Variants in SDK1 observed in about 807,000 individuals in gnomAD.
The protein encoded by SDK1 is sidekick cell adhesion molecule 1.
Under a neutral mutation model 245.5 loss-of-function variants are expected in SDK1, and 157 were observed. The ratio of observed to expected loss-of-function variants is 0.64; its 90% confidence interval spans 0.56 to 0.73. The LOEUF is 0.73. SDK1 is among the 30% of genes least tolerant of loss of function. SDK1 has a pLI of 0.00. For synonymous variants in SDK1, 1,647 were observed against 1,278.5 expected, an observed-to-expected ratio of 1.29 and a Z score of -6.15; for missense variants, 3,583 against 3,002.3, an observed-to-expected ratio of 1.19 and a Z score of -4.52.
Position 3,969,304 on chromosome 7 carries a change from C to T in SDK1, c.1594C>T (p.Leu532Phe), listed in dbSNP as rs202108445. The change falls in exon 11 of 45, where the codon CTT becomes TTT. Residue 532 changes from leucine (L) to phenylalanine (F), a missense_variant. Transcript: ENST00000404826. ...CTCTGTCCGGATTCCTAGGTTCATG[C>T]TTCTTGAATCGGGGGGTCTACAGAT... ...SGSVRIPRFM[L>F]LESGGLQIAP... is the part of the protein sequence containing the mutation. The T allele has an allele frequency of 6.2e-7, 1 of 1,611,096 alleles. No individual in the cohort carries two copies. The highest frequency in any genetic ancestry group is 1.3e-5 in the African/African-American group (1 of 74,970).
At chr7:3,475,733 A>T (rs1182419239) in intron 1 of SDK1, among the ~76,000 whole-genome samples, 1 of 152,234 alleles carries the variant, frequency 6.6e-6, no homozygotes, top group Non-Finnish European at 1.5e-5. Context: ...TTTATGAATC[A>T]TTGACTCAAA....
chr7:3,625,573 A>T (rs997692407), intron 2 of SDK1, among the ~76,000 whole-genome samples: 2 of 152,182 alleles, frequency 1.3e-5, no homozygotes. Context: ...CAGTCACTCT[A>T]AGTGGCTGGA....
chr7:3,472,572 T>C (rs1781217474), intron 1 of SDK1, among the ~76,000 whole-genome samples: 1 of 152,232 alleles, frequency 6.6e-6, no homozygotes, highest in African/African-American at 2.4e-5. Context: ...AATAGCTGGT[T>C]CTACATTTAG....
chr7:4,132,936 T>A (rs1338416302), intron 28 of SDK1, among the ~76,000 whole-genome samples: 2 of 152,170 alleles, frequency 1.3e-5, no homozygotes, highest in Middle Eastern at 3.2e-3. Context: ...GAAATTCACA[T>A]TTTTTTAACG....
At chr7:4,205,316 T>C (rs1784155246) in intron 35 of SDK1, among the ~76,000 whole-genome samples, 1 of 152,152 alleles carries the variant, frequency 6.6e-6, no homozygotes, top group Non-Finnish European at 1.5e-5. Flanking sequence ...AGCTATCTTT[T>C]CTCTAATCTC....
At chr7:3,966,646 C>T (rs1008759892) in intron 9 of SDK1, among the ~76,000 whole-genome samples, 5 of 152,054 alleles carry the variant, frequency 3.3e-5, no homozygotes, top group Non-Finnish European at 5.9e-5. Flanking sequence ...TAGAAAGTGT[C>T]ATCTTGTGGA....
intron 1 of SDK1, among the ~76,000 whole-genome samples, chr7:3,425,957 C>A (rs914565839): frequency 2.0e-5 from 3 of 152,212 alleles, no homozygotes; most frequent in Non-Finnish European, 2.9e-5. Flanking sequence ...TCTACACTAT[C>A]TTCCCCTTCT....
In SDK1 at chr7:3,566,534, C is replaced by T. The variant is rs538605394; in HGVS notation, c.299-52546C>T. ...GCCACCACGCCCGGCCGATAAACTT[C>T]TTAAAAACATAAAGCAGTAGAGGAA... On this transcript the variant is annotated intron_variant, in intron 1 of 44. Coordinates refer to ENST00000404826, the MANE Select transcript of SDK1 (RefSeq NM_152744.4). 1.8e-3 allele frequency among the ~76,000 whole-genome samples: 268 copies of T among 152,102 alleles called. 1 individual carries two copies. Among genetic ancestry groups the T allele is most frequent in the Non-Finnish European group, 2.1e-3 (144 of 67,974 alleles).
rs1007259429 is a variant in SDK1, at chr7:4,130,380, C to T, written c.4129+283C>T. The T allele has an allele frequency of 6.5e-5, 28 of 431,444 alleles. 1 individual carries two copies. The highest frequency in any genetic ancestry group is 4.0e-4 in the South Asian group (12 of 30,174). The allele number at this position is 431,444 out of a possible 1,614,324, so 26.7% of individuals were successfully genotyped here. On this transcript the variant is annotated intron_variant, in intron 27 of 44. Transcript: ENST00000404826. ...GAGGCAGCAGAGGCTGGGGCGGGGC[C>T]GAGCTGTGGATGTCAGCTGTGGACG...
At chr7:3,747,928 A>G (rs1779671819) in intron 4 of SDK1, among the ~76,000 whole-genome samples, 1 of 152,152 alleles carries the variant, frequency 6.6e-6, no homozygotes, top group Non-Finnish European at 1.5e-5. Context: ...TTTTAGGAAA[A>G]TCTAAGATTT....
intron 5 of SDK1, among the ~76,000 whole-genome samples, chr7:3,825,344 A>G (rs1346163538): frequency 6.7e-6 from 1 of 149,958 alleles, no homozygotes; most frequent in Non-Finnish European, 1.5e-5. Context: ...AAAAAAAGCC[A>G]CAGGCGATGA....
At chr7:4,132,019 A>C (rs545224157) in intron 27 of SDK1, among the ~76,000 whole-genome samples, 7 of 152,074 alleles carry the variant, frequency 4.6e-5, no homozygotes, top group Admixed American at 3.9e-4. Context: ...TGACTGGTCT[A>C]CTTGTGTCCT....
At chr7:4,122,968 A>C (rs998928942) in intron 25 of SDK1, among the ~76,000 whole-genome samples, 1 of 152,134 alleles carries the variant, frequency 6.6e-6, no homozygotes. Flanking sequence ...TCACCTCCCT[A>C]TCTCCACGTG....
chr7:3,849,806 A>G (rs1341601744), intron 5 of SDK1, among the ~76,000 whole-genome samples: 1 of 152,218 alleles, frequency 6.6e-6, no homozygotes, highest in East Asian at 1.9e-4. Context: ...TATCTGTGTA[A>G]CTTAGGTCTT....
At chr7:3,863,663 G>T (rs1159001843) in intron 5 of SDK1, among the ~76,000 whole-genome samples, 4 of 152,084 alleles carry the variant, frequency 2.6e-5, no homozygotes, top group South Asian at 2.1e-4. Flanking sequence ...CTCTGTGAAG[G>T]TCATAGAAGC....
intron 1 of SDK1, among the ~76,000 whole-genome samples, chr7:3,467,460 T>C (rs17374391): frequency 0.14 from 20,705 of 151,912 alleles, 1,589 homozygotes; most frequent in South Asian, 0.22. Context: ...AAAGTAAAAA[T>C]ATACCAATAA....
intron 19 of SDK1, among the ~76,000 whole-genome samples, chr7:4,053,206 G>C (rs1012767191): frequency 3.9e-5 from 6 of 151,904 alleles, no homozygotes; most frequent in African/African-American, 1.2e-4. Flanking sequence ...ACTAGAGTTT[G>C]GCCGTCGCCA....
chr7:3,885,266 C>T (rs971831958), intron 5 of SDK1, among the ~76,000 whole-genome samples: 3 of 152,142 alleles, frequency 2.0e-5, no homozygotes, highest in African/African-American at 7.2e-5. Flanking sequence ...AGGCCGGCTG[C>T]TTTGGGAATA....
At chr7:3,415,985 G>A (rs187667687) in intron 1 of SDK1, among the ~76,000 whole-genome samples, 4 of 152,218 alleles carry the variant, frequency 2.6e-5, no homozygotes, top group East Asian at 1.9e-4. Context: ...TATGAGGCTT[G>A]CAATTACCAG....
Sources: allele counts gnomAD v4.1 joint callset (sites outside exome capture counted in the v4.1 genomes callset), GRCh38; gene constraint gnomAD v4.1.1; transcripts MANE v1.5; gene names NCBI Gene and HGNC (gene_info 2026-07-23, HGNC 2026-07-21).